DNAJC15: variants seen among roughly 807,000 people sequenced by gnomAD.
DNAJC15 encodes DnaJ heat shock protein family (Hsp40) member C15.
A neutral mutation model predicts 22.4 loss-of-function variants in DNAJC15; 27 were observed. The observed-to-expected ratio is 1.20, with a 90% CI of 0.89 to 1.66. DNAJC15 has a LOEUF of 1.66. Ranked by LOEUF, DNAJC15 falls within the 40% of genes most tolerant of loss-of-function variation. DNAJC15 has a pLI of 0.00. For missense variants in DNAJC15, 208 were observed against 187.1 expected (o/e 1.11, Z -0.65); for synonymous variants, 79 against 63.2 (o/e 1.25, Z -1.19).
intron 1 of DNAJC15, among the ~76,000 whole-genome samples, chr13:43,041,475 C>A (rs1327694051): frequency 1.3e-5 from 2 of 152,164 alleles, no homozygotes; most frequent in African/African-American, 4.8e-5. Context: ...TACACAGACA[C>A]AGTAACAATC....
At chr13:43,055,203 A>T (rs891004404) in intron 1 of DNAJC15, among the ~76,000 whole-genome samples, 3 of 151,950 alleles carry the variant, frequency 2.0e-5, no homozygotes, top group East Asian at 3.9e-4. Context: ...TCACAGACTA[A>T]GTCTGCCCAT....
chr13:43,042,331 A>G (rs2040458151), intron 1 of DNAJC15, among the ~76,000 whole-genome samples: 2 of 152,214 alleles, frequency 1.3e-5, no homozygotes, highest in South Asian at 4.1e-4. Context: ...CTGGAAATAT[A>G]TTATTATAAC....
intron 1 of DNAJC15, among the ~76,000 whole-genome samples, chr13:43,062,400 G>A (rs1593318504): frequency 6.6e-6 from 1 of 152,282 alleles, no homozygotes; most frequent in East Asian, 1.9e-4. Context: ...GAAGCTAAAT[G>A]GCAAGTGAAT....
chr13:43,059,077 G>A (rs1328275099), intron 1 of DNAJC15, among the ~76,000 whole-genome samples: 2 of 152,190 alleles, frequency 1.3e-5, no homozygotes, highest in African/African-American at 4.8e-5. Context: ...AAAGTTCACG[G>A]TGTGAGTCTC....
chr13:43,072,896 T>C (rs1458440578), intron 3 of DNAJC15, among the ~76,000 whole-genome samples: 2 of 152,220 alleles, frequency 1.3e-5, no homozygotes, highest in Non-Finnish European at 2.9e-5. Flanking sequence ...CCAAGGATTC[T>C]TTCTTGTTTC....
intron 1 of DNAJC15, among the ~76,000 whole-genome samples, chr13:43,050,489 C>T (rs771568472): frequency 8.6e-5 from 13 of 151,852 alleles, no homozygotes; most frequent in Non-Finnish European, 4.4e-5. Flanking sequence ...ACAGGGTCTT[C>T]TTGTGTTGCC....
At chr13:43,051,622 G>A (rs1333866914) in intron 1 of DNAJC15, among the ~76,000 whole-genome samples, 4 of 150,352 alleles carry the variant, frequency 2.7e-5, no homozygotes, top group Admixed American at 6.7e-5. Context: ...TTATGGCTGA[G>A]TAGTACTTCA....
intron 5 of DNAJC15, among the ~76,000 whole-genome samples, chr13:43,092,267 C>T (rs961755018): frequency 6.6e-6 from 1 of 152,026 alleles, no homozygotes; most frequent in Non-Finnish European, 1.5e-5. Context: ...TAAAGCCTAC[C>T]TTATCGAAAA....
chr13:43,086,084 C>T (rs1004573648), intron 5 of DNAJC15, among the ~76,000 whole-genome samples: 12 of 152,108 alleles, frequency 7.9e-5, no homozygotes, highest in African/African-American at 2.7e-4. Flanking sequence ...CCATCTGATG[C>T]GCCTACCATT....
rs2040804162 is a variant in DNAJC15, at chr13:43,107,583, A to AT, written c.*337dup. Reference sequence around the variant, plus strand: ...TGCAAAAAATATGATCAAGAATGCAATTGGGATTTGTGAGCAATGAGTAGA... The same window carrying AT: ...TGCAAAAAATATGATCAAGAATGCAATTTGGGATTTGTGAGCAATGAGTAGA... On this transcript the variant is annotated 3_prime_UTR_variant, in exon 6 of 6. Coordinates refer to ENST00000379221, the MANE Select transcript of DNAJC15 (RefSeq NM_013238.3). 1 of 166,892 alleles carries AT rather than the reference A, an allele frequency of 6.0e-6. No individual in the cohort carries two copies. Among genetic ancestry groups the AT allele is most frequent in the African/African-American group, 2.4e-5 (1 of 41,864 alleles). The allele number at this position is 166,892 out of a possible 1,614,324, so 10.3% of individuals were successfully genotyped here.
At chr13:43,096,884 C>A (rs1363810242) in intron 5 of DNAJC15, among the ~76,000 whole-genome samples, 2 of 152,206 alleles carry the variant, frequency 1.3e-5, no homozygotes, top group Non-Finnish European at 2.9e-5. Context: ...GTGAAGAAGA[C>A]TAAGCTCTCC....
intron 1 of DNAJC15, among the ~76,000 whole-genome samples, chr13:43,054,886 C>CT (rs958880476): frequency 1.3e-5 from 2 of 152,128 alleles, no homozygotes; most frequent in African/African-American, 4.8e-5. Context: ...AATCACTTCT[C>CT]TAACTAAACA....
intron 1 of DNAJC15, among the ~76,000 whole-genome samples, chr13:43,034,305 CTTTTTTTTTTTTTTTT>C (rs753362468): frequency 2.1e-4 from 13 of 60,606 alleles, no homozygotes; most frequent in African/African-American, 6.8e-4. Flanking sequence ...GAGATTTGTC[CTTTTTTTTTTTTTTTT>C]TTTTTTTTTT....
At chr13:43,080,153 G>T (rs2040655126) in intron 4 of DNAJC15, among the ~76,000 whole-genome samples, 1 of 152,040 alleles carries the variant, frequency 6.6e-6, no homozygotes, top group African/African-American at 2.4e-5. Context: ...GGGGTTTGTT[G>T]TATAGATTAT....
At chr13:43,042,534 C>T (rs981478625) in intron 1 of DNAJC15, among the ~76,000 whole-genome samples, 4 of 152,130 alleles carry the variant, frequency 2.6e-5, no homozygotes, top group African/African-American at 9.7e-5. Context: ...GGGGATATGA[C>T]TCAAGTGCTC....
At chr13:43,053,789 A>G (rs2040516840) in intron 1 of DNAJC15, among the ~76,000 whole-genome samples, 1 of 152,192 alleles carries the variant, frequency 6.6e-6, no homozygotes, top group Non-Finnish European at 1.5e-5. Context: ...TGCTGAATTC[A>G]TTGATCAATT....
At chr13:43,062,651 A>G (rs2040564317) in intron 1 of DNAJC15, among the ~76,000 whole-genome samples, 1 of 152,218 alleles carries the variant, frequency 6.6e-6, no homozygotes, top group Admixed American at 6.5e-5. Flanking sequence ...CATCTTTTGA[A>G]TGGTTGAAAT....
intron 1 of DNAJC15, among the ~76,000 whole-genome samples, chr13:43,034,944 T>G (rs1186949334): frequency 7.2e-5 from 11 of 152,308 alleles, no homozygotes. Context: ...GGAGCTTCAT[T>G]CTGGGTCATA....
intron 1 of DNAJC15, among the ~76,000 whole-genome samples, chr13:43,056,216 A>G (rs770105131): frequency 1.3e-5 from 2 of 151,562 alleles, no homozygotes; most frequent in Admixed American, 6.6e-5. Flanking sequence ...CAATAGTGCA[A>G]TCTCAGCTCA....
Sources: gnomAD v4.1 joint callset for allele counts (sites outside exome capture counted in the v4.1 genomes callset) on GRCh38, gnomAD v4.1.1 for gene constraint, MANE v1.5 for transcripts, NCBI Gene and HGNC (gene_info 2026-07-23, HGNC 2026-07-21) for gene names.